CEP250: variants seen among roughly 807,000 people sequenced by gnomAD.
CEP250 encodes the protein centrosome-associated protein CEP250.
CEP250 carries 242 observed loss-of-function variants against 315.7 expected under a neutral mutation model. That is an observed-to-expected ratio of 0.77 (90% CI 0.69 to 0.85). The LOEUF (loss-of-function observed/expected upper bound fraction) is 0.85. Ranked by LOEUF, CEP250 falls within the 40% of genes least tolerant of loss-of-function variation. The pLI is 0.00. For synonymous variants in CEP250, 1,088 were observed against 1,175.0 expected (o/e 0.93, Z 1.51); for missense variants, 2,515 against 2,886.4 (o/e 0.87, Z 2.95).
chr20:35,459,501 G>C (rs906663960), intron 2 of CEP250, among the ~76,000 whole-genome samples: 1 of 152,060 alleles, frequency 6.6e-6, no homozygotes, highest in Non-Finnish European at 1.5e-5. Context: ...AATGAGTGAG[G>C]CTGGGCTTGG....
At chr20:35,464,527 G>A (rs2062828524) in intron 5 of CEP250, among the ~76,000 whole-genome samples, 1 of 152,150 alleles carries the variant, frequency 6.6e-6, no homozygotes, top group Non-Finnish European at 1.5e-5. Context: ...TGCCCAGGCT[G>A]GTCTCAAATT....
In CEP250 at chr20:35,512,178, C is replaced by A; in HGVS notation, c.*552C>A. ...CTACAGTCCAGTTGATGAGAACAGG[C>A]TAACACTCATTTATGAGTCAGAGGC... On this transcript the variant is annotated 3_prime_UTR_variant, in exon 35 of 35. Coordinates refer to ENST00000397527, the MANE Select transcript of CEP250 (RefSeq NM_007186.6). The A allele has an allele frequency of 9.9e-6, 3 of 302,564 alleles. No homozygotes were observed. Among genetic ancestry groups the A allele is most frequent in the Non-Finnish European group, 1.5e-5 (3 of 205,200 alleles). 18.7% of individuals were successfully genotyped at this position (302,564 alleles called of 1,614,324 possible). A position where few individuals can be genotyped will look rare whatever the true frequency, so the allele number is the denominator to read the frequency against.
chr20:35,458,656 C>T (rs2062685237), intron 2 of CEP250, among the ~76,000 whole-genome samples: 1 of 152,172 alleles, frequency 6.6e-6, no homozygotes, highest in Admixed American at 6.5e-5. Flanking sequence ...TAGTTTATTC[C>T]TAGCAGATCT....
chr20:35,467,685 A>G, intron 9 of CEP250, 130 bp downstream of exon 9: 1 of 1,078,840 alleles, frequency 9.3e-7, no homozygotes, highest in Non-Finnish European at 1.3e-6. Context: ...GCCCAAGGAA[A>G]TCTACTTTGA....
chr20:35,497,906 C>A lies in CEP250; in HGVS notation c.3494C>A (p.Ala1165Glu), dbSNP rs754433427. 6.2e-7 allele frequency: 1 copy of A among 1,608,290 alleles called. No homozygotes were observed. The highest frequency in any genetic ancestry group is 8.5e-7 in the Non-Finnish European group (1 of 1,177,522). Residue 1165 changes from alanine (A) to glutamate (E), a missense_variant, in exon 26 of 35, where the codon GCG (alanine) becomes GAG (glutamate). Ala to Glu is a moderately radical substitution (Grantham distance 107). Transcript: ENST00000397527. Reference sequence around the variant, plus strand: ...CGCAGCACAGAGAGCCAGCTAGAAGCGCTGGCCGCAGAGCAGCAGCCCGGG... The same window carrying A: ...CGCAGCACAGAGAGCCAGCTAGAAGAGCTGGCCGCAGAGCAGCAGCCCGGG... ...RLRSTESQLEALAAEQQPGNQ... is the reference protein window; with the variant it reads ...RLRSTESQLEELAAEQQPGNQ...
chr20:35,473,654 C>T (rs991868172), intron 13 of CEP250, 102 bp downstream of exon 13: 1 of 1,261,906 alleles, frequency 7.9e-7, no homozygotes, highest in African/African-American at 1.5e-5. Context: ...GGTGCTGATC[C>T]TGTTCTCCTT....
Position 35,503,359 on chromosome 20 carries a change from A to T in CEP250, c.4990A>T (p.Lys1664Ter), listed in dbSNP as rs1156727540. The T allele has an allele frequency of 6.2e-7, 1 of 1,614,124 alleles. No individual in the cohort carries two copies. Among genetic ancestry groups the T allele is most frequent in the South Asian group, 1.1e-5 (1 of 91,084 alleles). Residue 1664 changes from lysine (K) to a stop codon, truncating the protein, a stop_gained, in exon 30 of 35, where the codon AAG becomes TAG. Coordinates refer to ENST00000397527, the MANE Select transcript of CEP250 (RefSeq NM_007186.6). LOFTEE classifies it high-confidence loss of function. This position sits in a 1 kb window ranked among gnomAD's most constrained non-coding sequence, Gnocchi z 4.2. ...GAGAGACCAGGAGCTGATGCTGCAG[A>T]AGGAGAGGATTCAGGTTCTCGAGGA... ...ERRDQELMLQ[K>*]ERIQVLEDQR...
At chr20:35,505,819 G>A (rs896368291) in intron 30 of CEP250, among the ~76,000 whole-genome samples, 4 of 152,094 alleles carry the variant, frequency 2.6e-5, no homozygotes, top group Admixed American at 6.5e-5. Context: ...GGAAGAGACC[G>A]GAAGACAGCA....
In CEP250 at chr20:35,503,722, C is replaced by G; in HGVS notation, c.5353C>G (p.Gln1785Glu). ...AGAGCAGGAAATAGTGGTCCTGCAG[C>G]AGCAACTGCAGGAAGCCAGGGAACA... ...QREQEIVVLQ[Q>E]QLQEAREQGE... The change falls in exon 30 of 35, where the codon CAG becomes GAG. Residue 1785 changes from glutamine (Q) to glutamate (E), a missense_variant. Transcript: ENST00000397527. The surrounding 1 kb of genome is among the most constrained non-coding windows in gnomAD (Gnocchi z 4.2). 6.2e-7 allele frequency: 1 copy of G among 1,614,022 alleles called. No individual in the cohort carries two copies. Among genetic ancestry groups the G allele is most frequent in the Non-Finnish European group, 8.5e-7 (1 of 1,179,998 alleles).
At chr20:35,460,979 A>G (rs1017183718) in intron 3 of CEP250, among the ~76,000 whole-genome samples, 2 of 152,218 alleles carry the variant, frequency 1.3e-5, no homozygotes, top group African/African-American at 4.8e-5. Context: ...GAACATATGT[A>G]TTCTCTCTGT....
chr20:35,491,833 C>T (rs1968851301), intron 22 of CEP250, among the ~76,000 whole-genome samples: 1 of 127,412 alleles, frequency 7.8e-6, no homozygotes, highest in South Asian at 2.6e-4. Flanking sequence ...GCCCAGGAGG[C>T]GGAGGTTGCA....
intron 2 of CEP250, among the ~76,000 whole-genome samples, chr20:35,459,496 G>A (rs1052596378): frequency 6.6e-6 from 1 of 152,096 alleles, no homozygotes; most frequent in Non-Finnish European, 1.5e-5. Flanking sequence ...AAAGTAATGA[G>A]TGAGGCTGGG....
Position 35,503,239 on chromosome 20 carries a change from G to C in CEP250, c.4870G>C (p.Glu1624Gln), listed in dbSNP as rs770640479. ...GAGCCACAGCACCGTTCTGGCAAGA[G>C]AGCTGCAGGAGAGGGACCAGGAGGT... ...LESHSTVLARELQERDQEVKS... is the reference protein window; with the variant it reads ...LESHSTVLARQLQERDQEVKS... Residue 1624 changes from glutamate to glutamine, a missense_variant, in exon 30 of 35, where the codon GAG (glutamate) becomes CAG (glutamine). Glu to Gln is a conservative substitution (Grantham distance 29, BLOSUM62 2). Coordinates refer to ENST00000397527, the MANE Select transcript of CEP250 (RefSeq NM_007186.6). This position sits in a 1 kb window ranked among gnomAD's most constrained non-coding sequence, Gnocchi z 4.2. The C allele has an allele frequency of 3.1e-6, 5 of 1,614,218 alleles. No homozygotes were observed. The East Asian group carries it at 1.1e-4, about 36-fold the overall frequency.
intron 22 of CEP250, among the ~76,000 whole-genome samples, chr20:35,492,483 T>C (rs1286575384): frequency 6.6e-6 from 1 of 152,092 alleles, no homozygotes. Context: ...ATATGAGTTA[T>C]ATCTCAAGCC....
chr20:35,468,144 T>C (rs2062936928), intron 9 of CEP250, among the ~76,000 whole-genome samples: 1 of 151,948 alleles, frequency 6.6e-6, no homozygotes, highest in African/African-American at 2.4e-5. Flanking sequence ...AGACAGGGTT[T>C]CACCATGTTG....
intron 10 of CEP250, among the ~76,000 whole-genome samples, chr20:35,471,693 C>T (rs1325312529): frequency 6.6e-6 from 1 of 152,168 alleles, no homozygotes; most frequent in Non-Finnish European, 1.5e-5. Context: ...TGCTTTGTTC[C>T]AGACACTATA....
intron 28 of CEP250, among the ~76,000 whole-genome samples, chr20:35,500,929 A>T (rs1410151403): frequency 1.3e-5 from 2 of 152,226 alleles, no homozygotes; most frequent in Non-Finnish European, 2.9e-5. Context: ...TTGGAGACCC[A>T]GGGCCAGGAC....
At chr20:35,460,815 G>T (rs1283460118) in intron 3 of CEP250, among the ~76,000 whole-genome samples, 2 of 152,242 alleles carry the variant, frequency 1.3e-5, no homozygotes, top group African/African-American at 4.8e-5. Context: ...TTATGGCTTA[G>T]CTCTGCCAGG....
intron 7 of CEP250, among the ~76,000 whole-genome samples, chr20:35,466,459 G>T (rs767849695): frequency 1.8e-4 from 28 of 152,176 alleles, no homozygotes; most frequent in Non-Finnish European, 3.5e-4. Context: ...TGTTCCTGCA[G>T]CAGTGACGAG....
Sources: allele counts gnomAD v4.1 joint callset (sites outside exome capture counted in the v4.1 genomes callset), GRCh38; gene constraint gnomAD v4.1.1; non-coding constraint Gnocchi (gnomAD v3.1); transcripts MANE v1.5; gene names NCBI Gene and HGNC (gene_info 2026-07-23, HGNC 2026-07-21).